Variants in NXNL2 observed in about 807,000 individuals in gnomAD.
NXNL2 encodes nucleoredoxin-like protein 2.
In NXNL2, 7 loss-of-function variants were observed where a neutral mutation model predicts 11.1. The ratio of observed to expected loss-of-function variants is 0.63; its 90% confidence interval spans 0.36 to 1.18. The LOEUF is 1.18. Ranked by LOEUF, NXNL2 falls within the 50% of genes most tolerant of loss-of-function variation. NXNL2 has a pLI of 0.02. For missense variants in NXNL2, 233 were observed against 217.7 expected (o/e 1.07, Z -0.44); for synonymous variants, 109 against 101.8 (o/e 1.07, Z -0.42).
At chr9:88,568,608 G>A (rs935100012) in intron 1 of NXNL2, among the ~76,000 whole-genome samples, 1 of 152,156 alleles carries the variant, frequency 6.6e-6, no homozygotes, top group Non-Finnish European at 1.5e-5. Context: ...CAAGTAGTCC[G>A]TCAATCTGTT....
exon 2 of NXNL2, chr9:88,584,082 A>G (rs889763031): frequency 1.3e-5 from 2 of 152,206 alleles, no homozygotes; most frequent in South Asian, 2.1e-4. Context: ...AAGCAATCCA[A>G]TTGCCTGCAG....
At chr9:88,554,394 G>A (rs1346442964) in intron 1 of NXNL2, among the ~76,000 whole-genome samples, 1 of 152,022 alleles carries the variant, frequency 6.6e-6, no homozygotes, top group Non-Finnish European at 1.5e-5. Flanking sequence ...TAGTAGAGAT[G>A]GGGTTTCACC....
intron 1 of NXNL2, among the ~76,000 whole-genome samples, chr9:88,563,117 C>G (rs1587851868): frequency 6.6e-6 from 1 of 152,028 alleles, no homozygotes; most frequent in African/African-American, 2.4e-5. Context: ...AATAAACAGA[C>G]TGAGGGCTTA....
chr9:88,553,057 T>A (rs892492267), intron 1 of NXNL2, among the ~76,000 whole-genome samples: 2 of 152,170 alleles, frequency 1.3e-5, no homozygotes, highest in African/African-American at 4.8e-5. Context: ...TAATCTAATG[T>A]CCCATGGGAC....
chr9:88,568,326 T>C (rs903512986), intron 1 of NXNL2, among the ~76,000 whole-genome samples: 1 of 152,186 alleles, frequency 6.6e-6, no homozygotes, highest in Non-Finnish European at 1.5e-5. Flanking sequence ...ACTGAGAACT[T>C]CAGCTTTCCT....
intron 1 of NXNL2, among the ~76,000 whole-genome samples, chr9:88,569,210 C>T (rs372573367): frequency 4.6e-5 from 7 of 152,212 alleles, no homozygotes; most frequent in African/African-American, 7.2e-5. Context: ...GGATTACAGG[C>T]GTAAGCCACC....
intron 1 of NXNL2, among the ~76,000 whole-genome samples, chr9:88,582,050 T>C (rs927645929): frequency 1.3e-5 from 2 of 152,216 alleles, no homozygotes; most frequent in Admixed American, 1.3e-4. Context: ...GGGGTTCTCA[T>C]TCACTACTTC....
Position 88,535,587 on chromosome 9 carries a change from C to T in NXNL2, c.153C>T (p.Phe51=). 3.1e-6 allele frequency: 5 copies of T among 1,609,692 alleles called. No individual in the cohort carries two copies. The highest frequency in any genetic ancestry group is 1.3e-5 in the African/African-American group (1 of 75,006). ...ACTTCACGCCGCTGCTCTGCGACTT[C>T]TATACGGCGCTGGTGGCCGAGGCGC... ...SRDFTPLLCD[F]YTALVAEARR... Residue 51 remains phenylalanine (F), a synonymous_variant, in exon 1 of 2, where the codon TTC becomes TTT. Coordinates refer to ENST00000375854, the MANE Select transcript of NXNL2 (RefSeq NM_001161625.2).
intron 1 of NXNL2, among the ~76,000 whole-genome samples, chr9:88,582,280 T>C (rs1291018581): frequency 6.6e-6 from 1 of 152,188 alleles, no homozygotes; most frequent in East Asian, 1.9e-4. Flanking sequence ...CCATCCTGGC[T>C]AACACGGTGA....
chr9:88,561,786 G>A (rs1830088969), intron 1 of NXNL2, among the ~76,000 whole-genome samples: 1 of 152,194 alleles, frequency 6.6e-6, no homozygotes, highest in Non-Finnish European at 1.5e-5. Context: ...CCCACCAGAA[G>A]GACTCTGATC....
At chr9:88,553,784 G>T (rs190775007) in intron 1 of NXNL2, among the ~76,000 whole-genome samples, 11 of 152,094 alleles carry the variant, frequency 7.2e-5, no homozygotes, top group Admixed American at 7.2e-4. Flanking sequence ...AAGCCTTATG[G>T]TTTTTTTGGG....
At chr9:88,550,033 G>C (rs138498091) in intron 1 of NXNL2, among the ~76,000 whole-genome samples, 1 of 152,124 alleles carries the variant, frequency 6.6e-6, no homozygotes, top group East Asian at 1.9e-4. Context: ...CTCCATTTTG[G>C]TCTCAAACTC....
intron 1 of NXNL2, among the ~76,000 whole-genome samples, chr9:88,564,281 TCTATTATCTATCTATC>T (rs1338235316): frequency 7.1e-5 from 9 of 126,660 alleles, no homozygotes; most frequent in South Asian, 2.7e-4. Flanking sequence ...TATCTATCTA[TCTATTATCTATCTATC>T]TATCTATCTA....
Position 88,535,278 on chromosome 9 carries a change from T to A in NXNL2, c.-157T>A. ...AATTGCTCCAGCCACAGGCGAGGCC[T>A]GGCCAAGGTGTGGGCGCATCTGGGG... On this transcript the variant is annotated 5_prime_UTR_variant, in exon 1 of 2. Coordinates refer to ENST00000375854, the MANE Select transcript of NXNL2 (RefSeq NM_001161625.2). 1 of 663,102 alleles carries A rather than the reference T, an allele frequency of 1.5e-6. No individual in the cohort carries two copies. Among genetic ancestry groups the A allele is most frequent in the Non-Finnish European group, 2.5e-6 (1 of 404,056 alleles). 41.1% of individuals were successfully genotyped at this position (663,102 alleles called of 1,614,324 possible).
intron 2 of NXNL2, among the ~76,000 whole-genome samples, chr9:88,573,496 G>A (rs2118538866): frequency 6.6e-6 from 1 of 152,300 alleles, no homozygotes; most frequent in Admixed American, 6.5e-5. Context: ...TGATATTGGA[G>A]AAATGCTCTA....
intron 1 of NXNL2, among the ~76,000 whole-genome samples, chr9:88,557,114 T>G (rs1218026185): frequency 6.6e-6 from 1 of 150,510 alleles, no homozygotes; most frequent in Non-Finnish European, 1.5e-5. Context: ...AGAAAGATGT[T>G]GAAATTCTGT....
rs755842967 is a variant in NXNL2, at chr9:88,564,663, G to A, written c.303-6424G>A. 4.9e-4 allele frequency among the ~76,000 whole-genome samples: 74 copies of A among 151,996 alleles called. 1 individual carries two copies. Among genetic ancestry groups the A allele is most frequent in the Non-Finnish European group, 1.9e-4 (13 of 67,984 alleles). On this transcript the variant is annotated intron_variant, in intron 1 of 2. Coordinates refer to the NXNL2 transcript ENST00000375855. ...ACTCCCGACCTCAGGTGATCCACTCGCCTCGGCCTCCCAAAGTGCTGGGAT... is the reference window on the plus strand; with the variant it reads ...ACTCCCGACCTCAGGTGATCCACTCACCTCGGCCTCCCAAAGTGCTGGGAT...
intron 1 of NXNL2, among the ~76,000 whole-genome samples, chr9:88,556,389 G>A (rs988311961): frequency 6.6e-6 from 1 of 152,182 alleles, no homozygotes; most frequent in East Asian, 1.9e-4. Context: ...GAGTCAGCAA[G>A]GCAGAGAAGA....
At chr9:88,559,996 T>C (rs1005879608) in intron 1 of NXNL2, among the ~76,000 whole-genome samples, 1 of 152,132 alleles carries the variant, frequency 6.6e-6, no homozygotes, top group Non-Finnish European at 1.5e-5. Context: ...TGCCCTGTCC[T>C]GGCCCTGCTG....
Sources: gnomAD v4.1 joint callset for allele counts (sites outside exome capture counted in the v4.1 genomes callset) on GRCh38, gnomAD v4.1.1 for gene constraint, MANE v1.5 for transcripts, NCBI Gene and HGNC (gene_info 2026-07-23, HGNC 2026-07-21) for gene names.